Variants in PDE6D observed in about 807,000 individuals in gnomAD.
PDE6D encodes retinal rod rhodopsin-sensitive cGMP 3',5'-cyclic phosphodiesterase subunit delta.
A neutral mutation model predicts 21.9 loss-of-function variants in PDE6D; 10 were observed. The observed-to-expected ratio is 0.46, with a 90% confidence interval of 0.28 to 0.78. PDE6D has a LOEUF of 0.78. Among genes scored for constraint, PDE6D ranks in the 30% least tolerant of loss-of-function variants. The pLI is 0.12. For missense variants in PDE6D, 139 were observed against 184.8 expected (o/e 0.75, Z 1.44); for synonymous variants, 59 against 63.5 (o/e 0.93, Z 0.34).
intron 1 of PDE6D, among the ~76,000 whole-genome samples, chr2:231,746,932 C>T (rs1333283214): frequency 3.9e-5 from 6 of 152,090 alleles, no homozygotes; most frequent in Non-Finnish European, 7.4e-5. Flanking sequence ...AGTTTTCTTC[C>T]TACTTTAATA....
At chr2:231,761,947 C>T (rs941307911) in intron 1 of PDE6D, among the ~76,000 whole-genome samples, 7 of 152,134 alleles carry the variant, frequency 4.6e-5, no homozygotes, top group African/African-American at 1.7e-4. Context: ...TCCTGGGTAT[C>T]TTTGTGACGA....
intron 1 of PDE6D, among the ~76,000 whole-genome samples, chr2:231,776,715 C>G (rs2049060776): frequency 6.6e-6 from 1 of 152,168 alleles, no homozygotes; most frequent in African/African-American, 2.4e-5. Context: ...AGTCACCCAA[C>G]AGACCTTTGT....
chr2:231,738,278 T>C (rs1403520194), intron 2 of PDE6D, 140 bp from the exon 3 acceptor site: 6 of 837,954 alleles, frequency 7.2e-6, no homozygotes, highest in Non-Finnish European at 1.1e-5. Context: ...TTCTTACATT[T>C]TGGATAATGC....
intron 1 of PDE6D, among the ~76,000 whole-genome samples, chr2:231,743,004 C>T (rs2048762402): frequency 6.6e-6 from 1 of 152,170 alleles, no homozygotes; most frequent in Non-Finnish European, 1.5e-5. Flanking sequence ...CCTCAGATAC[C>T]CTTTCCCATT....
intron 1 of PDE6D, among the ~76,000 whole-genome samples, chr2:231,748,960 C>T (rs1404266901): frequency 6.6e-6 from 1 of 152,212 alleles, no homozygotes; most frequent in Non-Finnish European, 1.5e-5. Context: ...AAGTTTGCTA[C>T]AGAGGCAGGG....
At chr2:231,756,279 A>G (rs2106275114) in intron 1 of PDE6D, among the ~76,000 whole-genome samples, 1 of 152,298 alleles carries the variant, frequency 6.6e-6, no homozygotes, top group East Asian at 1.9e-4. Context: ...TTCGACTTTG[A>G]TTACAACATA....
chr2:231,775,718 C>T (rs1478870427), intron 1 of PDE6D, among the ~76,000 whole-genome samples: 1 of 151,940 alleles, frequency 6.6e-6, no homozygotes, highest in East Asian at 1.9e-4. Flanking sequence ...ATCCTTTGTC[C>T]ACTTTGAGTT....
chr2:231,738,413 A>C (rs1366998579), intron 2 of PDE6D, among the ~76,000 whole-genome samples: 2 of 151,610 alleles, frequency 1.3e-5, no homozygotes, highest in Non-Finnish European at 2.9e-5. Context: ...TCATCTAACT[A>C]CTCTCATCAG....
At position 231,780,974 on chromosome 2, in the gene PDE6D, C is replaced by T. The variant is rs1439856060; in HGVS notation, c.50+91G>A. On this transcript the variant is annotated intron_variant, in intron 1 of 4. Transcript: ENST00000287600. ...CCCGCGGCCCTTCTTCTGTGGGGCC[C>T]ACCTGGCGCGGCCCCCGCCCCCGGC... 33 of 1,160,636 alleles carry T rather than the reference C, an allele frequency of 2.8e-5. 1 individual carries two copies. The East Asian group carries it at 7.8e-4, about 27-fold the overall frequency. The allele number at this position is 1,160,636 out of a possible 1,614,324, so 71.9% of individuals were successfully genotyped here. A position where few individuals can be genotyped will look rare whatever the true frequency, so the allele number is the denominator to read the frequency against.
Position 231,739,356 on chromosome 2 carries a change from T to C in PDE6D, c.51-168A>G. Reference sequence around the variant, plus strand: ...GAATGTGAGGAGAGTCAAAAAGACATCTAAAGGAAGAAGCAGAAACCTAGA... The same window carrying C: ...GAATGTGAGGAGAGTCAAAAAGACACCTAAAGGAAGAAGCAGAAACCTAGA... On this transcript the variant is annotated intron_variant, in intron 1 of 4. Transcript: ENST00000287600. This position sits in a 1 kb window ranked among gnomAD's most constrained non-coding sequence, Gnocchi z 4.2. 1 of 739,572 alleles carries C rather than the reference T, an allele frequency of 1.4e-6. No individual in the cohort carries two copies. The highest frequency in any genetic ancestry group is 1.4e-5 in the South Asian group (1 of 73,412). The allele number at this position is 739,572 out of a possible 1,614,324, so 45.8% of individuals were successfully genotyped here. A position where few individuals can be genotyped will look rare whatever the true frequency, so the allele number is the denominator to read the frequency against.
At chr2:231,780,345 C>T (rs1160407727) in intron 1 of PDE6D, among the ~76,000 whole-genome samples, 3 of 152,120 alleles carry the variant, frequency 2.0e-5, no homozygotes, top group Non-Finnish European at 4.4e-5. Context: ...CACACCTAAG[C>T]CTATGGTCCT....
chr2:231,740,288 A>G (rs879432714), intron 1 of PDE6D, among the ~76,000 whole-genome samples: 10 of 152,164 alleles, frequency 6.6e-5, no homozygotes, highest in Non-Finnish European at 1.3e-4. Context: ...GAGAACAAAA[A>G]AGAACTCTAG....
chr2:231,744,595 G>A (rs184505155), intron 1 of PDE6D, among the ~76,000 whole-genome samples: 9 of 151,822 alleles, frequency 5.9e-5, no homozygotes, highest in Non-Finnish European at 8.8e-5. Flanking sequence ...CACCATGCCC[G>A]GCTAATTTTG....
Position 231,745,814 on chromosome 2 carries a change from A to T in PDE6D, c.51-6626T>A, listed in dbSNP as rs996539005. On this transcript the variant is annotated intron_variant, in intron 1 of 4. Transcript: ENST00000287600. ...TCTTGTGTCTTACAGAATAGTTGTG[A>T]CCTGGTGTGATTTAGGTGCAGTCTG... 2.0e-5 allele frequency among the ~76,000 whole-genome samples: 3 copies of T among 152,132 alleles called. No homozygotes were observed. In the East Asian group the frequency reaches 5.8e-4, roughly 29 times the overall value.
rs941659341 is a variant in PDE6D, at chr2:231,781,197, G to A, written c.-83C>T. ...GTGCCCAGGAGCCGAGGATGGAGCC[G>A]CAGCCCGGCTTGGAGACCTCGGGCT... is the stretch of plus-strand genomic sequence containing the variant. On this transcript the variant is annotated 5_prime_UTR_variant, in exon 1 of 5. Coordinates refer to ENST00000287600, the MANE Select transcript of PDE6D (RefSeq NM_002601.4). 2.1e-6 allele frequency: 3 copies of A among 1,408,516 alleles called. No individual in the cohort carries two copies. The highest frequency in any genetic ancestry group is 2.8e-5 in the African/African-American group (2 of 70,702). 87.3% of individuals were successfully genotyped at this position (1,408,516 alleles called of 1,614,324 possible).
intron 4 of PDE6D, among the ~76,000 whole-genome samples, chr2:231,734,146 G>A (rs1232449210): frequency 6.6e-6 from 1 of 151,624 alleles, no homozygotes; most frequent in East Asian, 1.9e-4. Flanking sequence ...CCCGGGAGGC[G>A]GAGCTTGCAG....
chr2:231,772,469 T>C (rs1253079506), intron 1 of PDE6D, among the ~76,000 whole-genome samples: 3 of 152,234 alleles, frequency 2.0e-5, no homozygotes, highest in African/African-American at 7.2e-5. Flanking sequence ...AAAAGAATGC[T>C]GCTCTCAGAA....
At chr2:231,737,945 C>T (rs2106261029) in intron 3 of PDE6D, 68 bp downstream of exon 3, 1 of 1,457,230 alleles carries the variant, frequency 6.9e-7, no homozygotes, top group Non-Finnish European at 9.4e-7. Context: ...CTTTAGTTCA[C>T]TGGGTATTGT....
At chr2:231,767,839 C>CTT (rs59912776) in intron 1 of PDE6D, among the ~76,000 whole-genome samples, 12 of 137,918 alleles carry the variant, frequency 8.7e-5, no homozygotes, top group Admixed American at 2.2e-4. Context: ...TTTAACTATT[C>CTT]TTTTTTTTTT....
Sources: gnomAD v4.1 joint callset for allele counts (sites outside exome capture counted in the v4.1 genomes callset) on GRCh38, gnomAD v4.1.1 for gene constraint, Gnocchi (gnomAD v3.1) non-coding constraint, MANE v1.5 for transcripts, NCBI Gene and HGNC (gene_info 2026-07-23, HGNC 2026-07-21) for gene names.